Variants in PREP observed in about 807,000 individuals in gnomAD.
PREP encodes prolyl endopeptidase, also known as dJ355L5.1 (prolyl endopeptidase).
A neutral mutation model predicts 87.6 loss-of-function variants in PREP; 29 were observed. The observed-to-expected ratio is 0.33, with a 90% CI of 0.25 to 0.45. The LOEUF is 0.45. Ranked by LOEUF, PREP falls within the 20% of genes least tolerant of loss-of-function variation. PREP has a pLI of 1.00. For missense variants in PREP, 695 were observed against 886.5 expected, an observed-to-expected ratio of 0.78 and a Z score of 2.74; for synonymous variants, 337 against 328.6, an observed-to-expected ratio of 1.03 and a Z score of -0.28.
At chr6:105,353,249 T>C (rs1772004198) in intron 6 of PREP, among the ~76,000 whole-genome samples, 172 bp from the exon 7 acceptor site, 1 of 152,224 alleles carries the variant, frequency 6.6e-6, no homozygotes, top group African/African-American at 2.4e-5. Context: ...ATCAATTTTA[T>C]CTTATTTCAC....
At position 105,373,588 on chromosome 6, in the gene PREP, A is replaced by G; in HGVS notation, c.386-10T>C. The G allele has an allele frequency of 6.2e-7, 1 of 1,612,190 alleles. No homozygotes were observed. Among genetic ancestry groups the G allele is most frequent in the Non-Finnish European group, 8.5e-7 (1 of 1,178,584 alleles). Reference sequence around the variant, plus strand: ...TCGCTGAACGCATAACCTATGGGACACAGGAGAAATCATCCAGTGACAAAC... The same window carrying G: ...TCGCTGAACGCATAACCTATGGGACGCAGGAGAAATCATCCAGTGACAAAC... On this transcript the variant is annotated splice_polypyrimidine_tract_variant and intron_variant, in intron 4 of 14. Transcript: ENST00000652536.
chr6:105,391,437 G>T (rs937742334), intron 2 of PREP, among the ~76,000 whole-genome samples: 2 of 152,082 alleles, frequency 1.3e-5, no homozygotes, highest in Non-Finnish European at 2.9e-5. Context: ...ATCTCAGCTG[G>T]TCTCAAACTC....
At chr6:105,370,791 C>G (rs1436248883) in intron 5 of PREP, among the ~76,000 whole-genome samples, 1 of 152,216 alleles carries the variant, frequency 6.6e-6, no homozygotes, top group East Asian at 1.9e-4. Context: ...CTGTCTAATT[C>G]CAACTACAGG....
At chr6:105,395,929 C>T (rs1213763253) in intron 2 of PREP, among the ~76,000 whole-genome samples, 1 of 152,228 alleles carries the variant, frequency 6.6e-6, no homozygotes, top group African/African-American at 2.4e-5. Context: ...GCATGTGACT[C>T]TCCACTCCCA....
intron 5 of PREP, among the ~76,000 whole-genome samples, chr6:105,371,581 T>C (rs1417533497): frequency 6.6e-6 from 1 of 151,894 alleles, no homozygotes; most frequent in Admixed American, 6.6e-5. Flanking sequence ...ATTTGCTGAT[T>C]TTGGAGGCTT....
chr6:105,280,729 C>G (rs973326093), intron 14 of PREP: 1 of 152,058 alleles, frequency 6.6e-6, no homozygotes, highest in African/African-American at 2.4e-5. Flanking sequence ...CATCACCATG[C>G]CCAGCTAATT....
At chr6:105,392,842 G>T (rs1773191560) in intron 2 of PREP, among the ~76,000 whole-genome samples, 2 of 152,188 alleles carry the variant, frequency 1.3e-5, no homozygotes, top group African/African-American at 4.8e-5. Flanking sequence ...CTCCCAAAGT[G>T]CTAGGATTAC....
chr6:105,339,589 C>T (rs369555441), intron 7 of PREP, among the ~76,000 whole-genome samples: 21 of 152,158 alleles, frequency 1.4e-4, no homozygotes, highest in East Asian at 7.7e-4. Flanking sequence ...CAAAATTCTC[C>T]GAGCTAAAGG....
intron 7 of PREP, among the ~76,000 whole-genome samples, chr6:105,342,736 A>G (rs1307055001): frequency 6.6e-6 from 1 of 152,210 alleles, no homozygotes; most frequent in African/African-American, 2.4e-5. Context: ...CTATACACCA[A>G]TAACAGACAG....
rs9377699 is a variant in PREP at position 105,308,499 on chromosome 6, A to G, written c.1317+15166T>C. Among the ~76,000 whole-genome samples the G allele has an allele frequency of 4.6e-5, 7 of 152,332 alleles. No homozygotes were observed. In the East Asian group the frequency reaches 1.4e-3, roughly 29 times the overall value. On this transcript the variant is annotated intron_variant, in intron 10 of 14. Transcript: ENST00000652536. ...TAGTATAATTTTCTGTTTTGGTTAT[A>G]AACTATGGCCTAAAATAACTCTTAA...
intron 12 of PREP, among the ~76,000 whole-genome samples, chr6:105,284,957 C>A (rs1257623302): frequency 6.6e-6 from 1 of 152,178 alleles, no homozygotes; most frequent in Admixed American, 6.5e-5. Flanking sequence ...GACAGAGTCA[C>A]AGCAGCAATG....
At chr6:105,291,989 T>C (rs1770306223) in intron 10 of PREP, among the ~76,000 whole-genome samples, 1 of 152,208 alleles carries the variant, frequency 6.6e-6, no homozygotes, top group African/African-American at 2.4e-5. Flanking sequence ...ATTTCAGCAG[T>C]TCAATCACAT....
intron 12 of PREP, among the ~76,000 whole-genome samples, chr6:105,283,524 T>C (rs934441625): frequency 2.0e-5 from 3 of 152,210 alleles, no homozygotes; most frequent in African/African-American, 2.4e-5. Context: ...TCAAAACAAA[T>C]GTTATTAAGA....
At chr6:105,369,374 A>C (rs142661437) in intron 5 of PREP, among the ~76,000 whole-genome samples, 126 of 152,374 alleles carry the variant, frequency 8.3e-4, no homozygotes, top group African/African-American at 2.7e-3. Flanking sequence ...CATTGTCAAG[A>C]TATCAGTTCT....
chr6:105,368,090 T>C (rs1245851165), intron 6 of PREP, among the ~76,000 whole-genome samples: 1 of 152,224 alleles, frequency 6.6e-6, no homozygotes, highest in African/African-American at 2.4e-5. Flanking sequence ...TAAGTTAAAA[T>C]TGAAAATGTC....
intron 6 of PREP, among the ~76,000 whole-genome samples, chr6:105,353,863 G>C (rs1471563501): frequency 6.6e-6 from 1 of 151,252 alleles, no homozygotes; most frequent in African/African-American, 2.4e-5. Flanking sequence ...AGTTTCTACT[G>C]AACAACTGCT....
intron 9 of PREP, among the ~76,000 whole-genome samples, chr6:105,325,514 G>T (rs529845702): frequency 1.3e-5 from 2 of 152,304 alleles, no homozygotes; most frequent in Admixed American, 6.5e-5. Context: ...ACAGGGGCTG[G>T]TTACTGTACA....
At chr6:105,283,854 TGA>T (rs1770131378) in intron 12 of PREP, among the ~76,000 whole-genome samples, 1 of 152,182 alleles carries the variant, frequency 6.6e-6, no homozygotes, top group East Asian at 1.9e-4. Context: ...TAATAAAAAA[TGA>T]GAGAGCAGAC....
Position 105,323,680 on chromosome 6 carries a change from A to G in PREP, c.1302T>C (p.Asp434=), listed in dbSNP as rs766801549. 6.2e-7 allele frequency: 1 copy of G among 1,610,938 alleles called. No homozygotes were observed. The highest frequency in any genetic ancestry group is 1.1e-5 in the South Asian group (1 of 91,014). Residue 434 remains aspartate, a synonymous_variant, in exon 10 of 15, where the codon GAT becomes GAC. Coordinates refer to ENST00000652536, the MANE Select transcript of PREP (RefSeq NM_002726.5). The part of the protein sequence containing the change: ...EVTVKGIDAS[D]YQTVQIFYPS... The stretch of plus-strand genomic sequence containing the variant: ...TTCTCCATACCTGGACTGTCTGGTA[A>G]TCAGAAGCATCAATTCCTTTTACGG...
Sources: gnomAD v4.1 joint callset for allele counts (sites outside exome capture counted in the v4.1 genomes callset) on GRCh38, gnomAD v4.1.1 for gene constraint, MANE v1.5 for transcripts, NCBI Gene and HGNC (gene_info 2026-07-23, HGNC 2026-07-21) for gene names.